WARS2: variants seen among roughly 807,000 people sequenced by gnomAD.
The protein encoded by WARS2 is tryptophan--tRNA ligase, mitochondrial.
In WARS2, 28 loss-of-function variants were observed where a neutral mutation model predicts 36.5. The observed-to-expected ratio is 0.77, with a 90% confidence interval of 0.57 to 1.05. WARS2 has a LOEUF of 1.05. Among genes scored for constraint, WARS2 ranks in the 50% least tolerant of loss-of-function variants. The probability of loss-of-function intolerance (pLI) is 0.00; values close to 1 mark genes in which losing one functional copy is unlikely to be tolerated. For missense variants in WARS2, 435 were observed against 456.8 expected (o/e 0.95, Z 0.44); for synonymous variants, 174 against 178.4 (o/e 0.98, Z 0.20).
intron 1 of WARS2, among the ~76,000 whole-genome samples, chr1:119,129,151 G>A (rs1400554921): frequency 2.6e-5 from 4 of 152,096 alleles, no homozygotes; most frequent in Non-Finnish European, 5.9e-5. Context: ...TTCATATTTT[G>A]GAACCTAATT....
At chr1:119,057,744 C>G (rs921287144) in intron 2 of WARS2, among the ~76,000 whole-genome samples, 4 of 151,484 alleles carry the variant, frequency 2.6e-5, no homozygotes, top group African/African-American at 9.7e-5. Flanking sequence ...GAGCCGAGAT[C>G]CCACCACTGC....
At chr1:119,120,148 C>A (rs915454511) in intron 1 of WARS2, among the ~76,000 whole-genome samples, 1 of 151,604 alleles carries the variant, frequency 6.6e-6, no homozygotes, top group Non-Finnish European at 1.5e-5. Flanking sequence ...TAAACAAAAT[C>A]GATACACATT....
intron 4 of WARS2, 132 bp from the exon 5 acceptor site, chr1:119,034,345 G>A (rs940484566): frequency 6.9e-6 from 5 of 723,948 alleles, no homozygotes; most frequent in Middle Eastern, 2.5e-4. Context: ...ACTATAGAGG[G>A]AATGTTTAGA....
intron 2 of WARS2, among the ~76,000 whole-genome samples, chr1:119,074,958 A>G (rs1228326894): frequency 6.6e-6 from 1 of 152,154 alleles, no homozygotes; most frequent in Non-Finnish European, 1.5e-5. Context: ...ACATGGACAT[A>G]TAGAGAGAAA....
chr1:119,080,497 G>T (rs996391628), intron 1 of WARS2, among the ~76,000 whole-genome samples: 4 of 152,084 alleles, frequency 2.6e-5, no homozygotes, highest in African/African-American at 4.8e-5. Context: ...AGTGCAGAGG[G>T]AATGATATTA....
At chr1:119,068,633 C>T (rs1651057315) in intron 2 of WARS2, among the ~76,000 whole-genome samples, 1 of 152,150 alleles carries the variant, frequency 6.6e-6, no homozygotes, top group African/African-American at 2.4e-5. Context: ...TTTTATCTTC[C>T]ATCTGCAGAG....
intron 1 of WARS2, among the ~76,000 whole-genome samples, chr1:119,138,569 G>GT (rs766391456): frequency 2.6e-4 from 40 of 152,072 alleles, no homozygotes; most frequent in Middle Eastern, 3.2e-3. Context: ...AGTTAAAAAT[G>GT]TTTGTTCCCT....
intron 1 of WARS2, among the ~76,000 whole-genome samples, chr1:119,103,457 C>T (rs1172599815): frequency 1.3e-5 from 2 of 152,040 alleles, no homozygotes; most frequent in Non-Finnish European, 2.9e-5. Context: ...CAGGCCCATA[C>T]CTAGTAGTTA....
intron 1 of WARS2, among the ~76,000 whole-genome samples, chr1:119,116,763 G>A (rs914629088): frequency 9.9e-5 from 15 of 152,282 alleles, no homozygotes; most frequent in South Asian, 4.1e-4. Context: ...GCCATTCCTC[G>A]CGTTATCTCA....
At chr1:119,072,696 A>C (rs1651418832) in intron 2 of WARS2, among the ~76,000 whole-genome samples, 1 of 152,178 alleles carries the variant, frequency 6.6e-6, no homozygotes, top group Non-Finnish European at 1.5e-5. Flanking sequence ...TGGGAGAGTC[A>C]GGGTAATTTG....
At chr1:119,121,557 G>C (rs768208085) in intron 1 of WARS2, among the ~76,000 whole-genome samples, 1 of 151,684 alleles carries the variant, frequency 6.6e-6, no homozygotes, top group Non-Finnish European at 1.5e-5. Context: ...AAATTCATAT[G>C]TAAGAAAAAA....
chr1:119,094,061 TA>T (rs1487717999), intron 1 of WARS2, among the ~76,000 whole-genome samples: 1 of 152,208 alleles, frequency 6.6e-6, no homozygotes, highest in African/African-American at 2.4e-5. Flanking sequence ...AGCCATCAAC[TA>T]AGGGGCTATA....
rs587653019 is a variant in WARS2 at position 119,078,857 on chromosome 1, T to C, written c.91-2250A>G. ...CTTCTGATAACAGATTATTGTATCA[T>C]AGAAGAAATCTTTCAATACCCTGCA... On this transcript the variant is annotated intron_variant, in intron 1 of 5. Transcript: ENST00000235521. Among the ~76,000 whole-genome samples the C allele has an allele frequency of 3.3e-5, 5 of 152,218 alleles. No individual in the cohort carries two copies. In the East Asian group the frequency reaches 5.8e-4, roughly 18 times the overall value.
intron 1 of WARS2, among the ~76,000 whole-genome samples, chr1:119,103,760 G>T (rs769276822): frequency 4.8e-4 from 73 of 151,608 alleles, no homozygotes; most frequent in Non-Finnish European, 9.0e-4. Context: ...TAAGACTCAA[G>T]TGTATTTATC....
chr1:119,098,484 C>T (rs1001953159), intron 1 of WARS2, among the ~76,000 whole-genome samples: 2 of 152,110 alleles, frequency 1.3e-5, no homozygotes, highest in Non-Finnish European at 2.9e-5. Flanking sequence ...GTTGCCCAGG[C>T]TGGAGTGCAA....
intron 4 of WARS2, among the ~76,000 whole-genome samples, chr1:119,037,243 T>C (rs1257889137): frequency 1.3e-5 from 2 of 152,214 alleles, no homozygotes; most frequent in African/African-American, 4.8e-5. Context: ...CATATAATAA[T>C]GCCTCTGATC....
At chr1:119,050,280 T>TC (rs1302379292) in intron 2 of WARS2, among the ~76,000 whole-genome samples, 18 of 152,334 alleles carry the variant, frequency 1.2e-4, no homozygotes, top group Non-Finnish European at 2.1e-4. Context: ...TTGTCTTTGC[T>TC]CTAATATCAT....
In WARS2 at chr1:119,066,350, C is replaced by T. The variant is rs189287011; in HGVS notation, c.348+10000G>A. 1.9e-3 allele frequency among the ~76,000 whole-genome samples: 286 copies of T among 151,548 alleles called. 1 individual carries two copies. Among genetic ancestry groups the T allele is most frequent in the African/African-American group, 6.4e-3 (264 of 41,382 alleles). On this transcript the variant is annotated intron_variant, in intron 2 of 5. Coordinates refer to ENST00000235521, the MANE Select transcript of WARS2 (RefSeq NM_015836.4). ...AAAATTAGCCGGGTGTGGTGGTGGGCGCCTGTAGTCCCAGCTACTCGGGAG... is the reference window on the plus strand; with the variant it reads ...AAAATTAGCCGGGTGTGGTGGTGGGTGCCTGTAGTCCCAGCTACTCGGGAG...
chr1:119,072,396 TA>T (rs1048351222), intron 2 of WARS2, among the ~76,000 whole-genome samples: 1 of 152,088 alleles, frequency 6.6e-6, no homozygotes, highest in Non-Finnish European at 1.5e-5. Flanking sequence ...CAGATTAGTG[TA>T]AAGAGAAAGC....
Sources: gnomAD v4.1 joint callset for allele counts (sites outside exome capture counted in the v4.1 genomes callset) on GRCh38, gnomAD v4.1.1 for gene constraint, MANE v1.5 for transcripts, NCBI Gene and HGNC (gene_info 2026-07-23, HGNC 2026-07-21) for gene names.